OARD1: variants seen among roughly 807,000 people sequenced by gnomAD.
OARD1 encodes O-acyl-ADP-ribose deacylase 1, also known as ADP-ribose glycohydrolase OARD1.
OARD1 carries 19 observed loss-of-function variants against 19.7 expected under a neutral mutation model. The observed-to-expected ratio is 0.96, with a 90% CI of 0.67 to 1.41. The LOEUF (loss-of-function observed/expected upper bound fraction) is 1.41, where lower values mean the gene tolerates loss of function less well. Ranked by LOEUF, OARD1 falls within the 40% of genes most tolerant of loss-of-function variation. OARD1 has a pLI of 0.00. For synonymous variants in OARD1, 70 were observed against 61.8 expected (o/e 1.13, Z -0.62); for missense variants, 190 against 183.8 (o/e 1.03, Z -0.20).
chr6:41,073,155 C>A (rs1248732514), upstream of OARD1: 1 of 152,728 alleles, frequency 6.5e-6, no homozygotes, highest in Non-Finnish European at 1.5e-5. Context: ...GTCTCGCTGA[C>A]CACTCAGGAG....
chr6:41,080,847 G>A, intron 1 of OARD1: 3 of 1,614,056 alleles, frequency 1.9e-6, no homozygotes, highest in Non-Finnish European at 2.5e-6. Context: ...GTTGCAGACT[G>A]AGGCCCAGGT....
At chr6:41,092,799 T>A in intron 1 of OARD1, 2 of 1,092,124 alleles carry the variant, frequency 1.8e-6, no homozygotes, top group Non-Finnish European at 2.6e-6. Context: ...AAGTACCCTA[T>A]AAAAATTACT....
intron 1 of OARD1, among the ~76,000 whole-genome samples, chr6:41,081,291 C>T (rs954477260): frequency 6.6e-6 from 1 of 152,042 alleles, no homozygotes. Flanking sequence ...AGATCGAGAC[C>T]ATCCTGGCAA....
At chr6:41,093,593 C>T (rs1208939361) in intron 1 of OARD1, among the ~76,000 whole-genome samples, 1 of 152,148 alleles carries the variant, frequency 6.6e-6, no homozygotes, top group East Asian at 1.9e-4. Context: ...GCCTCAGCCT[C>T]CTGAGTAGCT....
At chr6:41,091,429 C>A in intron 1 of OARD1, 1 of 1,173,286 alleles carries the variant, frequency 8.5e-7, no homozygotes, top group Non-Finnish European at 1.2e-6. Flanking sequence ...TTGCCAGGAT[C>A]GGTGAGTGTA....
In OARD1 at chr6:41,090,138, G is replaced by A; in HGVS notation, c.-42+7575C>T. 1.1e-5 allele frequency: 12 copies of A among 1,087,112 alleles called. No individual in the cohort carries two copies. The South Asian group carries it at 1.6e-4, about 14-fold the overall frequency. 67.3% of individuals were successfully genotyped at this position (1,087,112 alleles called of 1,614,324 possible). On this transcript the variant is annotated intron_variant, in intron 1 of 4. Coordinates refer to the OARD1 transcript ENST00000480585. ...CAAAAAAATAATTTTTTTTTTTAAG[G>A]ACTACATCGTTCTTTGTTAGTATCT...
chr6:41,095,363 T>C (rs1764318859), intron 1 of OARD1, among the ~76,000 whole-genome samples: 1 of 152,254 alleles, frequency 6.6e-6, no homozygotes, highest in Non-Finnish European at 1.5e-5. Context: ...CTGTATGCCC[T>C]TTATCTTTTT....
At chr6:41,091,240 G>A (rs1764190945) in intron 1 of OARD1, among the ~76,000 whole-genome samples, 2 of 152,220 alleles carry the variant, frequency 1.3e-5, no homozygotes, top group Admixed American at 6.5e-5. Flanking sequence ...TAGTCAGACT[G>A]ACCTGTAGAA....
Position 41,089,047 on chromosome 6 carries a change from G to A in OARD1, c.-42+8666C>T, listed in dbSNP as rs374743240. ...GTCGCCCAGGCTGGAGTGCAGTGGC[G>A]TGATCTCGGCTCACTGCAACCTCCG... On this transcript the variant is annotated intron_variant, in intron 1 of 4. Transcript: ENST00000480585. 3.9e-3 allele frequency among the ~76,000 whole-genome samples: 596 copies of A among 152,088 alleles called. 11 individuals carry two copies. The South Asian group carries it at 0.06, about 15-fold the overall frequency.
At chr6:41,074,418 C>T (rs1763669911), upstream of OARD1, among the ~76,000 whole-genome samples, 1 of 152,190 alleles carries the variant, frequency 6.6e-6, no homozygotes, top group Non-Finnish European at 1.5e-5. Context: ...GTAGTTAATA[C>T]CTAACGGTTA....
At chr6:41,067,460 A>G (rs1763075442) in intron 5 of OARD1, 23 bp from the exon 6 acceptor site, 1 of 1,503,132 alleles carries the variant, frequency 6.7e-7, no homozygotes, top group African/African-American at 1.4e-5. Context: ...AAATATCTCC[A>G]TTGATGGTAA....
intron 4 of OARD1, chr6:41,069,536 C>T (rs1763212036): frequency 6.0e-6 from 1 of 167,502 alleles, no homozygotes; most frequent in Non-Finnish European, 1.3e-5. Context: ...AGCTACCCAC[C>T]ACCACCACTA....
At chr6:41,084,211 T>C (rs749435561) in intron 1 of OARD1, 2 of 1,612,544 alleles carry the variant, frequency 1.2e-6, no homozygotes, top group African/African-American at 2.7e-5. Flanking sequence ...TATTTAAAAA[T>C]ATTGAGCAGT....
upstream of OARD1, among the ~76,000 whole-genome samples, chr6:41,073,489 G>C (rs1470601532): frequency 6.6e-6 from 1 of 151,994 alleles, no homozygotes; most frequent in Non-Finnish European, 1.5e-5. Flanking sequence ...GGTCGTTCTG[G>C]CCGCAAACTT....
Position 41,071,236 on chromosome 6 carries a change from G to T in OARD1, c.80C>A (p.Thr27Lys). Residue 27 changes from threonine to lysine, a missense_variant, in exon 3 of 6, where the codon ACA (threonine) becomes AAA (lysine). Thr to Lys is a moderately conservative substitution (Grantham distance 78, BLOSUM62 -1). Coordinates refer to ENST00000424266, the MANE Select transcript of OARD1 (RefSeq NM_001329686.2). ...ACTGATACAGTGGGCTAAAGAGTCTGTTTTCGGGCATGCAAAAAGGTCTCC... is the reference window on the plus strand; with the variant it reads ...ACTGATACAGTGGGCTAAAGAGTCTTTTTTCGGGCATGCAAAAAGGTCTCC... ...VKGDLFACPK[T>K]DSLAHCISED... 6.2e-7 allele frequency: 1 copy of T among 1,614,102 alleles called. No homozygotes were observed. The highest frequency in any genetic ancestry group is 8.5e-7 in the Non-Finnish European group (1 of 1,179,944).
At position 41,065,640 on chromosome 6, in the gene OARD1, A is replaced by G. The variant is rs1227363181; in HGVS notation, c.*1695T>C. 2.0e-5 allele frequency: 3 copies of G among 152,210 alleles called. No individual in the cohort carries two copies. The highest frequency in any genetic ancestry group is 4.4e-5 in the Non-Finnish European group (3 of 68,034). 9.4% of individuals were successfully genotyped at this position (152,210 alleles called of 1,614,324 possible). ...CCTCCACTGCCCCTACCCCAACAAC[A>G]TGAAGAACTTGTCTGTTCCACCTAG... On this transcript the variant is annotated 3_prime_UTR_variant, in exon 6 of 6. Coordinates refer to ENST00000424266, the MANE Select transcript of OARD1 (RefSeq NM_001329686.2).
intron 1 of OARD1, among the ~76,000 whole-genome samples, chr6:41,083,470 G>A (rs538695368): frequency 1.3e-5 from 2 of 151,990 alleles, no homozygotes; most frequent in South Asian, 4.1e-4. Context: ...AGAGTAAAAT[G>A]AGCAGGATAA....
rs184605866 is a variant in OARD1 at position 41,068,994 on chromosome 6, T to C, written c.244-41A>G. The C allele has an allele frequency of 1.9e-4, 210 of 1,128,076 alleles. No homozygotes were observed. In the African/African-American group the frequency reaches 2.7e-3, roughly 14 times the overall value. 69.9% of individuals were successfully genotyped at this position (1,128,076 alleles called of 1,614,324 possible). On this transcript the variant is annotated intron_variant, in intron 4 of 5. Transcript: ENST00000424266. ...TCAAACTTTCATCATCCCAAAATGA[T>C]AGCCAAAGAAAAGTCATCACATTCC...
Position 41,071,612 on chromosome 6 carries a change from T to G in OARD1, c.23A>C (p.Asp8Ala), listed in dbSNP as rs149681565. Reference sequence around the variant, plus strand: ...GTTACGCACTCTGCTTCCTTCTGGATCTTCATTAAGGCTGCTGGCCATGAT... The same window carrying G: ...GTTACGCACTCTGCTTCCTTCTGGAGCTTCATTAAGGCTGCTGGCCATGAT... Reference protein sequence around the residue: MASSLNEDPEGSRITYVK... With the variant: MASSLNEAPEGSRITYVK... Residue 8 changes from aspartate (D) to alanine (A), a missense_variant, in exon 2 of 6, where the codon GAT (aspartate) becomes GCT (alanine). By Grantham distance (126) the Asp-to-Ala change is moderately radical. Transcript: ENST00000424266. 3.7e-6 allele frequency: 6 copies of G among 1,613,536 alleles called. No individual in the cohort carries two copies. Among genetic ancestry groups the G allele is most frequent in the Non-Finnish European group, 5.1e-6 (6 of 1,179,500 alleles).
Sources: allele counts gnomAD v4.1 joint callset (sites outside exome capture counted in the v4.1 genomes callset), GRCh38; gene constraint gnomAD v4.1.1; transcripts MANE v1.5; gene names NCBI Gene and HGNC (gene_info 2026-07-23, HGNC 2026-07-21).